TNKS2: variants seen among roughly 807,000 people sequenced by gnomAD.
TNKS2 encodes poly [ADP-ribose] polymerase tankyrase-2.
Under a neutral mutation model 137.6 loss-of-function variants are expected in TNKS2, and 72 were observed. The observed-to-expected ratio is 0.52, with a 90% CI of 0.43 to 0.64. The LOEUF (loss-of-function observed/expected upper bound fraction) is 0.64, where lower values mean the gene tolerates loss of function less well. Ranked by LOEUF, TNKS2 falls within the 30% of genes least tolerant of loss-of-function variation. TNKS2 has a pLI of 0.00. For synonymous variants in TNKS2, 516 were observed against 512.1 expected, an observed-to-expected ratio of 1.01 and a Z score of -0.10; for missense variants, 1,049 against 1,410.2, an observed-to-expected ratio of 0.74 and a Z score of 4.10.
At chr10:91,821,033 T>TTTTTA (rs1175840873) in intron 6 of TNKS2, among the ~76,000 whole-genome samples, 1 of 152,114 alleles carries the variant, frequency 6.6e-6, no homozygotes, top group African/African-American at 2.4e-5. Flanking sequence ...TTTGTTGTAT[T>TTTTTA]TTTTATTTTA....
In TNKS2 at chr10:91,826,887, A is replaced by G. The variant is rs567817633; in HGVS notation, c.796-130A>G. 14 of 838,492 alleles carry G rather than the reference A, an allele frequency of 1.7e-5. No individual in the cohort carries two copies. The East Asian group carries it at 3.8e-4, about 23-fold the overall frequency. The allele number at this position is 838,492 out of a possible 1,614,324, so 51.9% of individuals were successfully genotyped here. A position where few individuals can be genotyped will look rare whatever the true frequency, so the allele number is the denominator to read the frequency against. On this transcript the variant is annotated intron_variant, in intron 7 of 26. Transcript: ENST00000371627. ...GGGAAAAATGTATACTCATTCTGAA[A>G]TAATTGGCTCAAAAAGTGAACTTTG...
chr10:91,853,424 T>C (rs1412665732), intron 21 of TNKS2, among the ~76,000 whole-genome samples: 1 of 152,236 alleles, frequency 6.6e-6, no homozygotes, highest in Non-Finnish European at 1.5e-5. Flanking sequence ...ATCTTCTTTA[T>C]GTTCATTCAA....
At chr10:91,839,388 G>A (rs2261029) in intron 13 of TNKS2, among the ~76,000 whole-genome samples, 28,830 of 151,076 alleles carry the variant, frequency 0.19, 2,856 homozygotes, top group Middle Eastern at 0.28. Context: ...GGTCACCCAC[G>A]CTGGAGTGTG....
In TNKS2 at chr10:91,848,625, GA is replaced by G; in HGVS notation, c.2606del (p.Lys869ArgfsTer6). 6.2e-7 allele frequency: 1 copy of G among 1,613,754 alleles called. No homozygotes were observed. Among genetic ancestry groups the G allele is most frequent in the Non-Finnish European group, 8.5e-7 (1 of 1,179,872 alleles). On this transcript the variant is annotated frameshift_variant, in exon 19 of 27. Transcript: ENST00000371627. LOFTEE classifies it high-confidence loss of function. Reference sequence around the variant, plus strand: ...GAACAGAGGGTGCTTCCAGTTTGGAGAAAAAGGAGGGTGAGACGTTCTACAA... The same window carrying G: ...GAACAGAGGGTGCTTCCAGTTTGGAGAAAAGGAGGGTGAGACGTTCTACAA... ...SGTEGASSLE[K>X]KEVPGVDFSI... is the part of the protein sequence containing the mutation.
intron 1 of TNKS2, among the ~76,000 whole-genome samples, chr10:91,801,775 A>T (rs912608450): frequency 2.6e-5 from 4 of 152,118 alleles, no homozygotes; most frequent in Admixed American, 2.0e-4. Flanking sequence ...CCCGGCCAGG[A>T]ATGATTTTTT....
At chr10:91,814,713 T>C (rs1844622138) in intron 2 of TNKS2, among the ~76,000 whole-genome samples, 1 of 152,220 alleles carries the variant, frequency 6.6e-6, no homozygotes, top group African/African-American at 2.4e-5. Context: ...TACAGTAACA[T>C]GCTGTTCAGG....
intron 12 of TNKS2, chr10:91,836,554 C>T (rs1842023987): frequency 6.0e-6 from 5 of 837,630 alleles, no homozygotes; most frequent in Non-Finnish European, 7.2e-6. Flanking sequence ...TAATTAATGA[C>T]AGAACCACAG....
At chr10:91,857,671 T>C (rs1842748125) in intron 24 of TNKS2, 141 bp downstream of exon 24, 3 of 436,728 alleles carry the variant, frequency 6.9e-6, no homozygotes, top group Admixed American at 4.2e-5. Flanking sequence ...ACTTTCACAT[T>C]TATATTTTCA....
At chr10:91,841,221 T>C in intron 14 of TNKS2, 62 bp from the exon 15 acceptor site, 1 of 1,319,474 alleles carries the variant, frequency 7.6e-7, no homozygotes, top group Non-Finnish European at 1.0e-6. Context: ...ATCAGTTATA[T>C]GTAATTATTT....
chr10:91,863,069 C>T lies in TNKS2; in HGVS notation c.*70C>T. ...AAGCAGCAGTGGCCTCTACGTTTTA[C>T]TCCTTTGCTGAAAAAAAATCATCTT... On this transcript the variant is annotated 3_prime_UTR_variant, in exon 27 of 27. Coordinates refer to ENST00000371627, the MANE Select transcript of TNKS2 (RefSeq NM_025235.4). 8.8e-7 allele frequency: 1 copy of T among 1,133,174 alleles called. No individual in the cohort carries two copies. The highest frequency in any genetic ancestry group is 1.4e-5 in the South Asian group (1 of 72,358). The allele number at this position is 1,133,174 out of a possible 1,614,324, so 70.2% of individuals were successfully genotyped here.
At chr10:91,842,537 G>T in intron 16 of TNKS2, 146 bp downstream of exon 16, 1 of 721,958 alleles carries the variant, frequency 1.4e-6, no homozygotes, top group Non-Finnish European at 2.2e-6. Context: ...ACTTTATGAG[G>T]CTAAGGCAGG....
At chr10:91,820,219 T>G (rs929351663) in intron 6 of TNKS2, among the ~76,000 whole-genome samples, 186 bp downstream of exon 6, 1 of 152,186 alleles carries the variant, frequency 6.6e-6, no homozygotes, top group Non-Finnish European at 1.5e-5. Context: ...CATAGAAGGT[T>G]TACATTACAC....
At position 91,819,271 on chromosome 10, in the gene TNKS2, T is replaced by C; in HGVS notation, c.522T>C (p.Gly174=). Residue 174 remains glycine (G), a splice_region_variant and synonymous_variant, in exon 4 of 27, where the codon GGT becomes GGC. Transcript: ENST00000371627. ...CTTTTTTTTTTTTCTAATTCACAGGTGAATATAAGAAAGATGAACTCTTAG... is the reference window on the plus strand; with the variant it reads ...CTTTTTTTTTTTTCTAATTCACAGGCGAATATAAGAAAGATGAACTCTTAG... ...ADPSAKAVLT[G]EYKKDELLES... 7.1e-7 allele frequency: 1 copy of C among 1,413,120 alleles called. No individual in the cohort carries two copies. The highest frequency in any genetic ancestry group is 1.6e-5 in the South Asian group (1 of 63,760). 87.5% of individuals were successfully genotyped at this position (1,413,120 alleles called of 1,614,324 possible). A position where few individuals can be genotyped will look rare whatever the true frequency, so the allele number is the denominator to read the frequency against.
intron 21 of TNKS2, among the ~76,000 whole-genome samples, chr10:91,853,321 G>A (rs1000031421): frequency 1.3e-5 from 2 of 152,194 alleles, no homozygotes; most frequent in Admixed American, 6.5e-5. Context: ...ACTTGGATAG[G>A]AACATTCATT....
intron 1 of TNKS2, 38 bp downstream of exon 1, chr10:91,798,927 C>T: frequency 7.5e-7 from 1 of 1,331,616 alleles, no homozygotes; most frequent in African/African-American, 1.5e-5. Context: ...CGCTCCAGAC[C>T]CCACCTGCGC....
intron 19 of TNKS2, 148 bp from the exon 20 acceptor site, chr10:91,849,364 G>T (rs1589688705): frequency 8.4e-6 from 4 of 477,378 alleles, no homozygotes; most frequent in African/African-American, 2.0e-5. Context: ...AAATTTTGTA[G>T]CTTTCTCTTG....
Position 91,857,548 on chromosome 10 carries a change from C to A in TNKS2, c.3094+18C>A. 1 of 1,536,106 alleles carries A rather than the reference C, an allele frequency of 6.5e-7. No individual in the cohort carries two copies. The highest frequency in any genetic ancestry group is 1.1e-5 in the South Asian group (1 of 88,200). ...ATTTCATGGTAAGATTCCTCCCCAC[C>A]AACTCTACCACTGTCTTCCACATTA... On this transcript the variant is annotated intron_variant, in intron 24 of 26. Coordinates refer to ENST00000371627, the MANE Select transcript of TNKS2 (RefSeq NM_025235.4).
Position 91,864,402 on chromosome 10 carries a change from T to G in TNKS2, c.*1403T>G, listed in dbSNP as rs1589702669. ...ATACATCCATTATGGCTTGGCAATC[T>G]CTTTTATTTGTTGACTCTAGCTCCC... On this transcript the variant is annotated 3_prime_UTR_variant, in exon 27 of 27. Coordinates refer to ENST00000371627, the MANE Select transcript of TNKS2 (RefSeq NM_025235.4). 1 of 152,712 alleles carries G rather than the reference T, an allele frequency of 6.5e-6. No individual in the cohort carries two copies. Among genetic ancestry groups the G allele is most frequent in the South Asian group, 2.1e-4 (1 of 4,832 alleles). The allele number at this position is 152,712 out of a possible 1,614,324, so 9.5% of individuals were successfully genotyped here. A position where few individuals can be genotyped will look rare whatever the true frequency, so the allele number is the denominator to read the frequency against.
chr10:91,839,715 A>C (rs545599586), intron 13 of TNKS2, among the ~76,000 whole-genome samples: 27 of 152,354 alleles, frequency 1.8e-4, no homozygotes, highest in Middle Eastern at 3.4e-3. Flanking sequence ...CACCAGTTAC[A>C]CTGAAAATTT....
Sources: allele counts gnomAD v4.1 joint callset (sites outside exome capture counted in the v4.1 genomes callset), GRCh38; gene constraint gnomAD v4.1.1; transcripts MANE v1.5; gene names NCBI Gene and HGNC (gene_info 2026-07-23, HGNC 2026-07-21).